ATP8A2: variants seen among roughly 807,000 people sequenced by gnomAD.
ATP8A2 encodes phospholipid-transporting ATPase IB.
Under a neutral mutation model 165.6 loss-of-function variants are expected in ATP8A2, and 100 were observed. The observed-to-expected ratio is 0.60, with a 90% CI of 0.51 to 0.71. ATP8A2 has a LOEUF of 0.71. Ranked by LOEUF, ATP8A2 falls within the 30% of genes least tolerant of loss-of-function variation. ATP8A2 has a pLI of 0.00. For synonymous variants in ATP8A2, 543 were observed against 548.8 expected (o/e 0.99, Z 0.15); for missense variants, 1,227 against 1,479.5 (o/e 0.83, Z 2.80).
chr13:25,868,854 G>A (rs540770597), intron 33 of ATP8A2, among the ~76,000 whole-genome samples: 1 of 152,180 alleles, frequency 6.6e-6, no homozygotes, highest in South Asian at 2.1e-4. Context: ...CGGATCACAA[G>A]TTCAGGAGAT....
In ATP8A2 at chr13:25,383,790, C is replaced by T. The variant is rs138550162; in HGVS notation, c.76+11502C>T. 2.0e-3 allele frequency among the ~76,000 whole-genome samples: 299 copies of T among 152,166 alleles called. 2 individuals carry two copies. The highest frequency in any genetic ancestry group is 6.2e-3 in the African/African-American group (259 of 41,496). On this transcript the variant is annotated intron_variant, in intron 1 of 36. Transcript: ENST00000381655. Reference sequence around the variant, plus strand: ...TATATCCTTTTCTTCTCCATAGTGACCCTCTCCAAACAAAAAGAAGGCAAA... The same window carrying T: ...TATATCCTTTTCTTCTCCATAGTGATCCTCTCCAAACAAAAAGAAGGCAAA...
At chr13:25,963,866 C>A (rs1179219512) in intron 34 of ATP8A2, among the ~76,000 whole-genome samples, 2 of 152,172 alleles carry the variant, frequency 1.3e-5, no homozygotes, top group African/African-American at 4.8e-5. Context: ...TTTTGGTTTC[C>A]CCTGGCACTA....
intron 33 of ATP8A2, among the ~76,000 whole-genome samples, chr13:25,932,601 G>C (rs996616974): frequency 6.6e-6 from 1 of 152,152 alleles, no homozygotes; most frequent in African/African-American, 2.4e-5. Flanking sequence ...AACTGCAGGG[G>C]AGCCAAAGTA....
intron 33 of ATP8A2, among the ~76,000 whole-genome samples, chr13:25,951,286 A>G (rs1367935577): frequency 6.6e-6 from 1 of 152,254 alleles, no homozygotes. Flanking sequence ...CTATTCGTGC[A>G]ATGGAATACG....
intron 19 of ATP8A2, among the ~76,000 whole-genome samples, chr13:25,575,356 C>G (rs2039587692): frequency 6.6e-6 from 1 of 152,182 alleles, no homozygotes; most frequent in Non-Finnish European, 1.5e-5. Context: ...TTCCCCAGTA[C>G]AATTTTAAAA....
intron 33 of ATP8A2, among the ~76,000 whole-genome samples, chr13:25,933,830 T>G (rs1954823173): frequency 6.6e-6 from 1 of 152,212 alleles, no homozygotes; most frequent in South Asian, 2.1e-4. Context: ...TGCAGCTAAT[T>G]TGTCATTACA....
At chr13:25,797,182 C>T (rs1396054181) in intron 27 of ATP8A2, among the ~76,000 whole-genome samples, 3 of 152,050 alleles carry the variant, frequency 2.0e-5, no homozygotes, top group African/African-American at 4.8e-5. Flanking sequence ...GCAGGAGAAT[C>T]GCTTGAACCC....
At chr13:25,418,147 G>A (rs1281011636) in intron 1 of ATP8A2, among the ~76,000 whole-genome samples, 4 of 152,098 alleles carry the variant, frequency 2.6e-5, no homozygotes, top group African/African-American at 9.7e-5. Context: ...GGGAACCAAG[G>A]TCTCCCTGAC....
chr13:25,425,775 A>G (rs1433031688), intron 1 of ATP8A2, among the ~76,000 whole-genome samples: 1 of 151,852 alleles, frequency 6.6e-6, no homozygotes, highest in African/African-American at 2.4e-5. Context: ...ACGGGGTTTC[A>G]CTGTGTTAGC....
intron 1 of ATP8A2, among the ~76,000 whole-genome samples, chr13:25,432,301 T>C (rs1432533746): frequency 6.6e-6 from 1 of 152,212 alleles, no homozygotes; most frequent in Non-Finnish European, 1.5e-5. Flanking sequence ...CGGAGGTCCT[T>C]GTGTGTCCAC....
intron 27 of ATP8A2, among the ~76,000 whole-genome samples, chr13:25,791,804 C>T (rs745700894): frequency 9.9e-5 from 15 of 152,016 alleles, no homozygotes; most frequent in Non-Finnish European, 1.9e-4. Context: ...TTTGTTGATC[C>T]GAAGATGGAA....
At chr13:25,745,129 G>A (rs1273764180) in intron 25 of ATP8A2, among the ~76,000 whole-genome samples, 2 of 152,134 alleles carry the variant, frequency 1.3e-5, no homozygotes, top group African/African-American at 4.8e-5. Context: ...TTTTAGTAGA[G>A]ACGGGGTTTT....
At chr13:25,916,960 C>T (rs941494663) in intron 33 of ATP8A2, among the ~76,000 whole-genome samples, 3 of 152,130 alleles carry the variant, frequency 2.0e-5, no homozygotes, top group African/African-American at 7.2e-5. Context: ...TATCCAGGGT[C>T]CATATAACTT....
chr13:25,924,856 A>G (rs1018651457), intron 33 of ATP8A2, among the ~76,000 whole-genome samples: 1 of 152,100 alleles, frequency 6.6e-6, no homozygotes, highest in African/African-American at 2.4e-5. Flanking sequence ...GATGGTTTTA[A>G]AAAGGGTAGC....
intron 29 of ATP8A2, among the ~76,000 whole-genome samples, chr13:25,838,563 A>T (rs1951679802): frequency 6.9e-6 from 1 of 145,604 alleles, no homozygotes; most frequent in Admixed American, 6.9e-5. Context: ...ACTTTGAAGA[A>T]TTTTTTTTTT....
intron 33 of ATP8A2, among the ~76,000 whole-genome samples, chr13:25,940,501 C>T (rs1955041144): frequency 6.6e-6 from 1 of 152,204 alleles, no homozygotes; most frequent in Admixed American, 6.5e-5. Flanking sequence ...GGCCTTTCCT[C>T]CACACTGACT....
chr13:25,579,915 C>T lies in ATP8A2; in HGVS notation c.1975C>T (p.Arg659Trp), dbSNP rs781704454. Residue 659 changes from arginine to tryptophan, a missense_variant, in exon 22 of 37, where the codon CGG (arginine) becomes TGG (tryptophan). Physicochemically the swap from Arg to Trp is moderately radical, Grantham distance 101. Coordinates refer to ENST00000381655, the MANE Select transcript of ATP8A2 (RefSeq NM_016529.6). ...CACCATATTGAAGGACAGAGCTCAACGGTTGGAAGAGTGTTACGAGATCAT... is the reference window on the plus strand; with the variant it reads ...CACCATATTGAAGGACAGAGCTCAATGGTTGGAAGAGTGTTACGAGATCAT... ...ASTILKDRAQ[R>W]LEECYEIIEK... 16 of 1,613,942 alleles carry T rather than the reference C, an allele frequency of 9.9e-6. No individual in the cohort carries two copies. Among genetic ancestry groups the T allele is most frequent in the East Asian group, 4.5e-5 (2 of 44,846 alleles).
intron 25 of ATP8A2, among the ~76,000 whole-genome samples, chr13:25,700,661 A>C (rs1019868918): frequency 1.3e-5 from 2 of 152,144 alleles, no homozygotes; most frequent in Non-Finnish European, 2.9e-5. Flanking sequence ...TGCTACTGTG[A>C]AGATTGATGT....
intron 25 of ATP8A2, among the ~76,000 whole-genome samples, chr13:25,726,467 TC>T (rs1170037892): frequency 6.6e-6 from 1 of 152,210 alleles, no homozygotes; most frequent in Non-Finnish European, 1.5e-5. Context: ...CCTTTTCAGC[TC>T]CTAGTAGATG....
Sources: allele counts gnomAD v4.1 joint callset (sites outside exome capture counted in the v4.1 genomes callset), GRCh38; gene constraint gnomAD v4.1.1; transcripts MANE v1.5; gene names NCBI Gene and HGNC (gene_info 2026-07-23, HGNC 2026-07-21).